The following DACH1 variants were observed in gnomAD, a reference collection of about 807,000 sequenced individuals.
DACH1 encodes the protein dachshund homolog 1.
Under a neutral mutation model 54.2 loss-of-function variants are expected in DACH1, and 12 were observed. The ratio of observed to expected loss-of-function variants is 0.22; its 90% confidence interval spans 0.14 to 0.36. DACH1 has a LOEUF of 0.36. Ranked by LOEUF, DACH1 falls within the 10% of genes least tolerant of loss-of-function variation. The pLI, the probability that DACH1 is intolerant of heterozygous loss-of-function variation, is 1.00. For synonymous variants in DACH1, 386 were observed against 366.2 expected, an observed-to-expected ratio of 1.05 and a Z score of -0.62; for missense variants, 805 against 929.8, an observed-to-expected ratio of 0.87 and a Z score of 1.75.
Position 71,769,865 on chromosome 13 carries a change from G to T in DACH1, c.849-87955C>A, listed in dbSNP as rs139294105. ...TAAAAACCTTTCACAAAAAGCAGAT[G>T]ATTTACATGAATAAAAAAAGAGGCT... is the stretch of plus-strand genomic sequence containing the variant. On this transcript the variant is annotated intron_variant, in intron 1 of 10. Coordinates refer to ENST00000613252, the MANE Select transcript of DACH1 (RefSeq NM_080759.6). Among the ~76,000 whole-genome samples, 42 of 151,656 alleles carry T rather than the reference G, an allele frequency of 2.8e-4. No homozygotes were observed. In the East Asian group the frequency reaches 7.5e-3, roughly 27 times the overall value.
chr13:71,754,112 T>C (rs982423395), intron 1 of DACH1, among the ~76,000 whole-genome samples: 1 of 152,312 alleles, frequency 6.6e-6, no homozygotes, highest in East Asian at 1.9e-4. Flanking sequence ...TTCTCTTTTT[T>C]TCATATCCTG....
chr13:71,603,583 A>G (rs1416763028), intron 3 of DACH1, among the ~76,000 whole-genome samples: 2 of 151,990 alleles, frequency 1.3e-5, no homozygotes, highest in Non-Finnish European at 2.9e-5. Flanking sequence ...AAATTCCACC[A>G]TATTCAGAGG....
At chr13:71,476,443 T>C (rs1453708433) in intron 8 of DACH1, among the ~76,000 whole-genome samples, 2 of 152,180 alleles carry the variant, frequency 1.3e-5, no homozygotes, top group African/African-American at 2.4e-5. Flanking sequence ...AGAACAGAAA[T>C]GTTTTTGTTT....
chr13:71,472,648 C>T (rs1422290569), intron 10 of DACH1, among the ~76,000 whole-genome samples: 1 of 152,122 alleles, frequency 6.6e-6, no homozygotes, highest in African/African-American at 2.4e-5. Flanking sequence ...AATGTCATAA[C>T]ACCTGGGCTT....
chr13:71,749,192 C>G (rs1250938552), intron 1 of DACH1, among the ~76,000 whole-genome samples: 6 of 151,874 alleles, frequency 4.0e-5, no homozygotes, highest in Admixed American at 6.6e-5. Flanking sequence ...GCATGTTGGC[C>G]AGGCTGGTCT....
intron 6 of DACH1, among the ~76,000 whole-genome samples, chr13:71,552,834 TATATATATAGAGAGAGAGAGAGAG>T (rs1204355728): frequency 3.0e-4 from 10 of 33,186 alleles, no homozygotes; most frequent in African/African-American, 1.2e-3. Context: ...TATATATATA[TATATATATAGAGAGAGAGAGAGAG>T]AGAGAGAGAG....
At chr13:71,765,979 C>T (rs1172724271) in intron 1 of DACH1, among the ~76,000 whole-genome samples, 29 of 151,210 alleles carry the variant, frequency 1.9e-4, no homozygotes, top group African/African-American at 5.1e-4. Flanking sequence ...CTCCGCCTCC[C>T]GGGTTCACAC....
rs1238793301 is a variant in DACH1 at position 71,677,586 on chromosome 13, TAA to T, written c.964+4207_964+4208del. 1.1e-4 allele frequency among the ~76,000 whole-genome samples: 17 copies of T among 152,074 alleles called. No individual in the cohort carries two copies. In the East Asian group the frequency reaches 3.3e-3, roughly 29 times the overall value. On this transcript the variant is annotated intron_variant, in intron 2 of 10. Coordinates refer to ENST00000613252, the MANE Select transcript of DACH1 (RefSeq NM_080759.6). ...TAAGACTGGGAAAATACATTTTTTT[TAA>T]AAAAAGTCTTTTTTTTCCTAAGAAA...
At chr13:71,505,275 G>T (rs1024045474) in intron 6 of DACH1, among the ~76,000 whole-genome samples, 1 of 152,032 alleles carries the variant, frequency 6.6e-6, no homozygotes, top group Admixed American at 6.6e-5. Flanking sequence ...TAGAGACAGG[G>T]TTTCCTCATG....
rs147962595 is a variant in DACH1 at position 71,474,216 on chromosome 13, C to A, written c.2083+925G>T. Among the ~76,000 whole-genome samples the A allele has an allele frequency of 4.5e-3, 680 of 152,198 alleles. 4 individuals are homozygous for A. The highest frequency in any genetic ancestry group is 7.6e-3 in the Non-Finnish European group (517 of 67,982). On this transcript the variant is annotated intron_variant, in intron 10 of 10. Transcript: ENST00000613252. Reference sequence around the variant, plus strand: ...AAGTTTGTGATTGTTACTTCTTGCACATATGATAGTTTACAAAAGTATATT... The same window carrying A: ...AAGTTTGTGATTGTTACTTCTTGCAAATATGATAGTTTACAAAAGTATATT...
At chr13:71,785,865 C>T (rs1042450244) in intron 1 of DACH1, among the ~76,000 whole-genome samples, 1 of 152,172 alleles carries the variant, frequency 6.6e-6, no homozygotes, top group Non-Finnish European at 1.5e-5. Context: ...TATTTTTGCA[C>T]TGTCTACTCA....
intron 6 of DACH1, among the ~76,000 whole-genome samples, chr13:71,508,630 C>CT (rs558150592): frequency 3.4e-5 from 5 of 148,550 alleles, no homozygotes; most frequent in Non-Finnish European, 3.0e-5. Context: ...ACTTGGGTAA[C>CT]TTTTTTTTTT....
At chr13:71,794,991 A>G (rs1027463053) in intron 1 of DACH1, among the ~76,000 whole-genome samples, 1 of 152,100 alleles carries the variant, frequency 6.6e-6, no homozygotes, top group Non-Finnish European at 1.5e-5. Context: ...CCATAGCCAA[A>G]GAATGGTTAA....
chr13:71,748,573 T>C (rs1283174814), intron 1 of DACH1, among the ~76,000 whole-genome samples: 1 of 152,158 alleles, frequency 6.6e-6, no homozygotes, highest in Non-Finnish European at 1.5e-5. Flanking sequence ...GGGGGCACCA[T>C]TGAATAAAGG....
chr13:71,615,465 T>C (rs1875690247), intron 3 of DACH1, among the ~76,000 whole-genome samples: 1 of 152,208 alleles, frequency 6.6e-6, no homozygotes, highest in African/African-American at 2.4e-5. Flanking sequence ...TAACATAAAA[T>C]GAGACAAAAC....
intron 6 of DACH1, among the ~76,000 whole-genome samples, chr13:71,516,720 G>A (rs1258342641): frequency 6.6e-6 from 1 of 151,702 alleles, no homozygotes; most frequent in Non-Finnish European, 1.5e-5. Flanking sequence ...CCATCAAAAC[G>A]CACAGACGTC....
At chr13:71,730,464 T>C (rs1042051497) in intron 1 of DACH1, among the ~76,000 whole-genome samples, 7 of 152,190 alleles carry the variant, frequency 4.6e-5, no homozygotes, top group African/African-American at 1.7e-4. Flanking sequence ...TCTGAATGTA[T>C]TTGAAATAAG....
chr13:71,819,435 A>T (rs1888100614), intron 1 of DACH1, among the ~76,000 whole-genome samples: 1 of 152,192 alleles, frequency 6.6e-6, no homozygotes, highest in Admixed American at 6.5e-5. Context: ...CCAGCATGGA[A>T]CTTAATAGAG....
At chr13:71,791,186 C>G (rs1886815153) in intron 1 of DACH1, among the ~76,000 whole-genome samples, 1 of 152,158 alleles carries the variant, frequency 6.6e-6, no homozygotes, top group Admixed American at 6.6e-5. Context: ...GACTAACTCT[C>G]TTTACTTACA....
Sources: allele counts gnomAD v4.1 joint callset (sites outside exome capture counted in the v4.1 genomes callset), GRCh38; gene constraint gnomAD v4.1.1; transcripts MANE v1.5; gene names NCBI Gene and HGNC (gene_info 2026-07-23, HGNC 2026-07-21).